Variants in SFI1 observed in about 807,000 individuals in gnomAD.
The protein encoded by SFI1 is SFI1 centrin binding protein, also known as protein SFI1 homolog.
A neutral mutation model predicts 207.5 loss-of-function variants in SFI1; 195 were observed. The ratio of observed to expected loss-of-function variants is 0.94; its 90% confidence interval spans 0.84 to 1.06. The LOEUF is 1.06. SFI1 is among the 50% of genes least tolerant of loss of function. SFI1 has a pLI of 0.00. For missense variants in SFI1, 1,634 were observed against 1,588.0 expected (o/e 1.03, Z -0.49); for synonymous variants, 630 against 598.9 (o/e 1.05, Z -0.76).
chr22:31,553,349 G>A (rs1170732681), intron 6 of SFI1, among the ~76,000 whole-genome samples: 1 of 151,312 alleles, frequency 6.6e-6, no homozygotes, highest in Non-Finnish European at 1.5e-5. Context: ...AAAGTTTTTT[G>A]TTTGTTTGGT....
At chr22:31,516,083 A>G (rs1203038042) in intron 2 of SFI1, among the ~76,000 whole-genome samples, 2 of 150,196 alleles carry the variant, frequency 1.3e-5, no homozygotes, top group Non-Finnish European at 3.0e-5. Flanking sequence ...TGTTTTTCTC[A>G]TGAGTTGTAT....
chr22:31,590,150 G>C lies in SFI1; in HGVS notation c.1544+573G>C, dbSNP rs116783514. Reference sequence around the variant, plus strand: ...TTCTACTCAGGCCCTCAAGGGGTTGGCTGAGGCCCCCGTACATTAGGAAGA... The same window carrying C: ...TTCTACTCAGGCCCTCAAGGGGTTGCCTGAGGCCCCCGTACATTAGGAAGA... On this transcript the variant is annotated intron_variant, in intron 15 of 32. Transcript: ENST00000400288. 9.3e-3 allele frequency among the ~76,000 whole-genome samples: 1,388 copies of C among 149,220 alleles called. 29 individuals carry two copies. Among genetic ancestry groups the C allele is most frequent in the African/African-American group, 0.033 (1,318 of 40,156 alleles).
At chr22:31,550,420 C>A in intron 6 of SFI1, 72 bp downstream of exon 6, 1 of 1,155,854 alleles carries the variant, frequency 8.7e-7, no homozygotes, top group Non-Finnish European at 1.3e-6. Flanking sequence ...GAAGGACAAA[C>A]ACATTGTCTC....
chr22:31,586,693 T>C (rs1201822914), intron 14 of SFI1, among the ~76,000 whole-genome samples: 1 of 150,492 alleles, frequency 6.6e-6, no homozygotes, highest in African/African-American at 2.5e-5. Flanking sequence ...AAAAAGACTA[T>C]GAGTGTCAGA....
chr22:31,595,452 T>G (rs2146729374), intron 15 of SFI1, among the ~76,000 whole-genome samples: 1 of 152,336 alleles, frequency 6.6e-6, no homozygotes, highest in African/African-American at 2.4e-5. Context: ...AGAGGTCAGG[T>G]TCAAAATGAT....
At chr22:31,528,584 TC>T in intron 2 of SFI1, 105 bp from the exon 3 acceptor site, 1 of 1,008,740 alleles carries the variant, frequency 9.9e-7, no homozygotes. Flanking sequence ...GTATTGTCAG[TC>T]TCAATGAGCT....
At chr22:31,558,456 G>A (rs1334604223) in intron 7 of SFI1, among the ~76,000 whole-genome samples, 2 of 151,742 alleles carry the variant, frequency 1.3e-5, no homozygotes, top group African/African-American at 4.8e-5. Context: ...AGTTTTACTT[G>A]AGTCTGAGTG....
rs1401377071 is a variant in SFI1 at position 31,575,239 on chromosome 22, G to C, written c.931G>C (p.Glu311Gln). Residue 311 changes from glutamate (E) to glutamine (Q), a missense_variant, in exon 10 of 33, where the codon GAG becomes CAG. Glu to Gln is a conservative substitution (Grantham distance 29). Transcript: ENST00000400288. ...TTATTTCTCTGTTGCAGAGATGGCT[G>C]AGCGATTCCATCATGTCACTGTGCT... ...RVKRQQNEMA[E>Q]RFHHVTVLQI... The C allele has an allele frequency of 1.2e-6, 2 of 1,609,280 alleles. No individual in the cohort carries two copies. Among genetic ancestry groups the C allele is most frequent in the South Asian group, 1.1e-5 (1 of 89,880 alleles).
intron 8 of SFI1, among the ~76,000 whole-genome samples, chr22:31,572,015 G>A (rs183439561): frequency 2.0e-4 from 30 of 152,224 alleles, no homozygotes; most frequent in African/African-American, 7.2e-4. Context: ...CAGTAAACTC[G>A]GGAAGGTGAG....
chr22:31,606,669 T>C (rs1195551004), intron 21 of SFI1: 3 of 348,018 alleles, frequency 8.6e-6, no homozygotes, highest in South Asian at 6.5e-5. Context: ...CTAGTTCTTA[T>C]CAGAACCAGT....
intron 7 of SFI1, among the ~76,000 whole-genome samples, chr22:31,558,863 C>G (rs1231294547): frequency 6.6e-6 from 1 of 152,142 alleles, no homozygotes; most frequent in Non-Finnish European, 1.5e-5. Flanking sequence ...TTCGTCCAGG[C>G]TGGAGTGCCA....
At chr22:31,522,161 G>A (rs987561190) in intron 2 of SFI1, among the ~76,000 whole-genome samples, 2 of 140,516 alleles carry the variant, frequency 1.4e-5, no homozygotes, top group Admixed American at 1.6e-4. Flanking sequence ...TCCACCTCAC[G>A]GGTTCAAGCT....
At chr22:31,568,226 A>ATTTTTT (rs373038766) in intron 8 of SFI1, among the ~76,000 whole-genome samples, 1 of 111,956 alleles carries the variant, frequency 8.9e-6, no homozygotes, top group African/African-American at 3.2e-5. Flanking sequence ...ATATATATAT[A>ATTTTTT]TTTTTTTTTT....
chr22:31,613,077 C>T, intron 24 of SFI1, 65 bp from the exon 25 acceptor site: 1 of 1,545,444 alleles, frequency 6.5e-7, no homozygotes, highest in Non-Finnish European at 8.8e-7. Flanking sequence ...CTGGGCAGGG[C>T]CCCGTGATCA....
chr22:31,553,060 C>G (rs2060771143), intron 6 of SFI1, among the ~76,000 whole-genome samples: 1 of 152,104 alleles, frequency 6.6e-6, no homozygotes, highest in African/African-American at 2.4e-5. Flanking sequence ...CCAAGCTGGT[C>G]TTGGACCCCT....
intron 2 of SFI1, among the ~76,000 whole-genome samples, chr22:31,521,989 T>TCCTGGCCTCGAGGGATCCA (rs1394320245): frequency 6.6e-6 from 1 of 150,988 alleles, no homozygotes; most frequent in African/African-American, 2.4e-5. Flanking sequence ...GGTCTTGACC[T>TCCTGGCCTCGAGGGATCCA]CCTGGCCTCG....
chr22:31,553,844 T>G (rs965789071), intron 6 of SFI1, among the ~76,000 whole-genome samples: 73 of 71,046 alleles, frequency 1.0e-3, no homozygotes, highest in Non-Finnish European at 1.8e-3. Context: ...TTATGTTTTT[T>G]TTTTTTTTTT....
At position 31,603,737 on chromosome 22, in the gene SFI1, C is replaced by G. The variant is rs749553575; in HGVS notation, c.1806-7C>G. 166 of 1,533,394 alleles carry G rather than the reference C, an allele frequency of 1.1e-4. No homozygotes were observed. The highest frequency in any genetic ancestry group is 1.4e-4 in the Non-Finnish European group (164 of 1,153,342). The allele number at this position is 1,533,394 out of a possible 1,614,324, so 95.0% of individuals were successfully genotyped here. A position where few individuals can be genotyped will look rare whatever the true frequency, so the allele number is the denominator to read the frequency against. On this transcript the variant is annotated splice_region_variant and splice_polypyrimidine_tract_variant and intron_variant, in intron 17 of 32. Transcript: ENST00000400288. Reference sequence around the variant, plus strand: ...CTGCAGCACTGAGCTCTGCCATCTCCCCACAGGAGGACGGGCAGGGTGCGG... The same window carrying G: ...CTGCAGCACTGAGCTCTGCCATCTCGCCACAGGAGGACGGGCAGGGTGCGG...
intron 7 of SFI1, among the ~76,000 whole-genome samples, chr22:31,558,928 T>G (rs2061419499): frequency 6.6e-6 from 1 of 152,158 alleles, no homozygotes; most frequent in Non-Finnish European, 1.5e-5. Context: ...GTGATTCTCC[T>G]GCCTCAGCCT....
Sources: gnomAD v4.1 joint callset for allele counts (sites outside exome capture counted in the v4.1 genomes callset) on GRCh38, gnomAD v4.1.1 for gene constraint, MANE v1.5 for transcripts, NCBI Gene and HGNC (gene_info 2026-07-23, HGNC 2026-07-21) for gene names.